Variants in DAB1 observed in about 807,000 individuals in gnomAD.
DAB1 encodes DAB adaptor protein 1.
Under a neutral mutation model 64.6 loss-of-function variants are expected in DAB1, and 15 were observed. The ratio of observed to expected loss-of-function variants is 0.23; its 90% CI spans 0.16 to 0.36. DAB1 has a LOEUF of 0.36. DAB1 is among the 10% of genes least tolerant of loss of function. The probability of loss-of-function intolerance (pLI) is 1.00; values close to 1 mark genes in which losing one functional copy is unlikely to be tolerated. For synonymous variants in DAB1, 235 were observed against 251.9 expected, an observed-to-expected ratio of 0.93 and a Z score of 0.64; for missense variants, 596 against 706.7, an observed-to-expected ratio of 0.84 and a Z score of 1.78.
At chr1:57,994,464 G>A (rs1646395900) in intron 5 of DAB1, among the ~76,000 whole-genome samples, 1 of 152,186 alleles carries the variant, frequency 6.6e-6, no homozygotes, top group Non-Finnish European at 1.5e-5. Flanking sequence ...GTGTTTGTAA[G>A]AGACTCAGAG....
chr1:57,805,977 T>C (rs1023075645), intron 6 of DAB1, among the ~76,000 whole-genome samples: 1 of 152,170 alleles, frequency 6.6e-6, no homozygotes, highest in Admixed American at 6.5e-5. Flanking sequence ...CAGTCTACTC[T>C]TAACAAATTA....
chr1:57,599,218 T>G (rs1164794158), intron 7 of DAB1, among the ~76,000 whole-genome samples: 1 of 151,806 alleles, frequency 6.6e-6, no homozygotes, highest in African/African-American at 2.4e-5. Flanking sequence ...GCTTAATAAT[T>G]TTTTTCTATA....
chr1:57,341,428 T>G (rs938584076), intron 1 of DAB1, among the ~76,000 whole-genome samples: 5 of 152,310 alleles, frequency 3.3e-5, no homozygotes, highest in Non-Finnish European at 5.9e-5. Flanking sequence ...GCCTACCCTA[T>G]GCCTATAAAC....
intron 3 of DAB1, among the ~76,000 whole-genome samples, chr1:58,438,632 C>T (rs774914761): frequency 7.9e-5 from 12 of 152,178 alleles, no homozygotes; most frequent in African/African-American, 2.4e-4. Flanking sequence ...GAGGCTTGCC[C>T]GGGGCCCTGG....
chr1:57,892,644 T>G (rs528196784), intron 5 of DAB1, among the ~76,000 whole-genome samples: 1 of 152,332 alleles, frequency 6.6e-6, no homozygotes, highest in Non-Finnish European at 1.5e-5. Flanking sequence ...TCTCACCTGA[T>G]AGTCTCTTTG....
At chr1:58,001,329 T>C (rs2100404656) in intron 5 of DAB1, among the ~76,000 whole-genome samples, 1 of 152,260 alleles carries the variant, frequency 6.6e-6, no homozygotes, top group African/African-American at 2.4e-5. Context: ...AGTGGTTCAA[T>C]CTCAGCTCAC....
At chr1:57,269,019 T>A (rs1041447442) in intron 2 of DAB1, among the ~76,000 whole-genome samples, 9 of 152,072 alleles carry the variant, frequency 5.9e-5, no homozygotes, top group African/African-American at 2.2e-4. Context: ...GGAAGGTGGC[T>A]GGGGCTGTGG....
chr1:58,279,570 A>G (rs1362646023), intron 4 of DAB1, among the ~76,000 whole-genome samples: 1 of 152,224 alleles, frequency 6.6e-6, no homozygotes, highest in Non-Finnish European at 1.5e-5. Context: ...ACTGAGTTTC[A>G]GAGAGGTGGA....
At chr1:58,088,452 A>C (rs1650450687) in intron 5 of DAB1, among the ~76,000 whole-genome samples, 1 of 152,168 alleles carries the variant, frequency 6.6e-6, no homozygotes, top group Non-Finnish European at 1.5e-5. Flanking sequence ...TAATATATGA[A>C]ATCTTTTGGG....
At chr1:57,681,358 T>A (rs902291036) in intron 6 of DAB1, among the ~76,000 whole-genome samples, 2 of 152,154 alleles carry the variant, frequency 1.3e-5, no homozygotes, top group African/African-American at 4.8e-5. Flanking sequence ...ATTAACTACA[T>A]CTGCAAAAAC....
At chr1:57,794,451 T>A (rs574507866) in intron 6 of DAB1, among the ~76,000 whole-genome samples, 1 of 152,312 alleles carries the variant, frequency 6.6e-6, no homozygotes, top group East Asian at 1.9e-4. Context: ...CTTTATTACA[T>A]GTTCTTCTTT....
intron 2 of DAB1, among the ~76,000 whole-genome samples, chr1:57,197,394 A>T (rs1266627115): frequency 2.0e-5 from 3 of 152,018 alleles, no homozygotes; most frequent in Admixed American, 2.0e-4. Flanking sequence ...AAACCACATG[A>T]TGAAATGCAG....
chr1:57,655,754 A>T (rs1014148516), intron 6 of DAB1, among the ~76,000 whole-genome samples: 1 of 152,238 alleles, frequency 6.6e-6, no homozygotes, highest in Non-Finnish European at 1.5e-5. Context: ...TGGAACAAAA[A>T]GTAACTTTTG....
At chr1:57,941,586 C>T (rs940858327) in intron 5 of DAB1, among the ~76,000 whole-genome samples, 1 of 152,184 alleles carries the variant, frequency 6.6e-6, no homozygotes, top group African/African-American at 2.4e-5. Context: ...CCTGTAATCC[C>T]AGCACTTTGG....
chr1:58,482,369 G>C (rs1050605285), intron 3 of DAB1, among the ~76,000 whole-genome samples: 2 of 152,198 alleles, frequency 1.3e-5, no homozygotes, highest in African/African-American at 4.8e-5. Flanking sequence ...TGATGGCAGG[G>C]TTGAGGGACT....
rs369039548 is a variant in DAB1, at chr1:58,481,205, T to C, written n.257+24855A>G. 149 of 711,228 alleles carry C rather than the reference T, an allele frequency of 2.1e-4. 3 individuals carry two copies. Among genetic ancestry groups the C allele is most frequent in the Middle Eastern group, 1.9e-3 (5 of 2,680 alleles). The allele number at this position is 711,228 out of a possible 1,614,324, so 44.1% of individuals were successfully genotyped here. On this transcript the variant is annotated intron_variant and non_coding_transcript_variant, in intron 3 of 20. Coordinates refer to the DAB1 transcript ENST00000485760. ...AAGAAATAATAAAATAAAAAAATAC[T>C]ATATATATACATCAATGTATTCAGA...
intron 5 of DAB1, among the ~76,000 whole-genome samples, chr1:58,025,231 T>C (rs1280760115): frequency 6.6e-6 from 1 of 151,986 alleles, no homozygotes; most frequent in Non-Finnish European, 1.5e-5. Context: ...AAATACAATA[T>C]CTTATGTTGC....
chr1:57,610,461 C>T (rs978346503), intron 7 of DAB1, among the ~76,000 whole-genome samples: 4 of 152,130 alleles, frequency 2.6e-5, no homozygotes, highest in Admixed American at 6.5e-5. Context: ...CCCAATGTCA[C>T]CTGGCAAAGT....
rs544016038 is a variant in DAB1 at position 57,982,696 on chromosome 1, C to A, written n.388-98534G>T. 3.3e-5 allele frequency among the ~76,000 whole-genome samples: 5 copies of A among 152,300 alleles called. No individual in the cohort carries two copies. In the East Asian group the frequency reaches 7.7e-4, roughly 24 times the overall value. On this transcript the variant is annotated intron_variant and non_coding_transcript_variant, in intron 5 of 20. Transcript: ENST00000485760. The stretch of plus-strand genomic sequence containing the variant: ...GCAAAATTCTCTATCATAACTAAGT[C>A]GGATGATTCCTCATTTTTCTCCTTC...
Sources: gnomAD v4.1 joint callset for allele counts (sites outside exome capture counted in the v4.1 genomes callset) on GRCh38, gnomAD v4.1.1 for gene constraint, MANE v1.5 for transcripts, NCBI Gene and HGNC (gene_info 2026-07-23, HGNC 2026-07-21) for gene names.